The following RIMS1 variants were observed in gnomAD, a reference collection of about 807,000 sequenced individuals.
RIMS1 encodes regulating synaptic membrane exocytosis protein 1.
A neutral mutation model predicts 214.1 loss-of-function variants in RIMS1; 83 were observed. That is an observed-to-expected ratio of 0.39 (90% CI 0.32 to 0.47). The LOEUF (loss-of-function observed/expected upper bound fraction) is 0.47, where lower values mean the gene tolerates loss of function less well. Ranked by LOEUF, RIMS1 falls within the 20% of genes least tolerant of loss-of-function variation. The pLI is 0.99. For synonymous variants in RIMS1, 793 were observed against 786.8 expected, an observed-to-expected ratio of 1.01 and a Z score of -0.13; for missense variants, 2,050 against 2,161.8, an observed-to-expected ratio of 0.95 and a Z score of 1.03.
intron 4 of RIMS1, among the ~76,000 whole-genome samples, chr6:72,141,887 A>G (rs563541953): frequency 6.6e-6 from 1 of 152,116 alleles, no homozygotes; most frequent in South Asian, 2.1e-4. Flanking sequence ...TTCCTTTCCT[A>G]GAAAGTAACA....
At chr6:72,022,890 A>G (rs1029866610) in intron 2 of RIMS1, among the ~76,000 whole-genome samples, 1 of 152,202 alleles carries the variant, frequency 6.6e-6, no homozygotes, top group Non-Finnish European at 1.5e-5. Flanking sequence ...GGCTTTATTC[A>G]TAATGTATTC....
chr6:72,221,952 C>G (rs1278132827), intron 6 of RIMS1, among the ~76,000 whole-genome samples: 1 of 151,902 alleles, frequency 6.6e-6, no homozygotes, highest in Admixed American at 6.6e-5. Flanking sequence ...ATTATTAGGT[C>G]AGTCTTCAAT....
chr6:72,063,644 T>C (rs545907945), intron 2 of RIMS1, among the ~76,000 whole-genome samples: 7 of 152,310 alleles, frequency 4.6e-5, no homozygotes, highest in African/African-American at 1.7e-4. Context: ...CCTCCAACTA[T>C]AGTGGTGTCT....
At chr6:72,306,077 GA>G (rs1209130928) in intron 26 of RIMS1, among the ~76,000 whole-genome samples, 7 of 151,474 alleles carry the variant, frequency 4.6e-5, no homozygotes, top group Non-Finnish European at 2.9e-5. Flanking sequence ...CATTGCAATG[GA>G]AAAAAAATTG....
chr6:72,106,999 C>T (rs1158551416), intron 4 of RIMS1, among the ~76,000 whole-genome samples: 1 of 152,106 alleles, frequency 6.6e-6, no homozygotes. Context: ...TGTTGAAGTA[C>T]TTTTTGTCAA....
At chr6:72,396,078 T>A (rs547831253) in intron 31 of RIMS1, among the ~76,000 whole-genome samples, 2 of 151,872 alleles carry the variant, frequency 1.3e-5, no homozygotes, top group East Asian at 3.9e-4. Context: ...CAAATGGGAT[T>A]TTTTTTTCAT....
chr6:72,159,977 G>T lies in RIMS1; in HGVS notation c.472-19598G>T, dbSNP rs186369612. 2.9e-3 allele frequency among the ~76,000 whole-genome samples: 405 copies of T among 138,792 alleles called. 26 individuals are homozygous for T. The highest frequency in any genetic ancestry group is 9.6e-3 in the African/African-American group (388 of 40,428). 91.1% of individuals were successfully genotyped at this position (138,792 alleles called of 152,430 possible). A position where few individuals can be genotyped will look rare whatever the true frequency, so the allele number is the denominator to read the frequency against. On this transcript the variant is annotated intron_variant, in intron 4 of 33. Transcript: ENST00000521978. ...TGGCATTGAATCTATAAATTACCTTGGGCAGCAAGGCCATTTTCACGATAT... is the reference window on the plus strand; with the variant it reads ...TGGCATTGAATCTATAAATTACCTTTGGCAGCAAGGCCATTTTCACGATAT...
At chr6:72,215,078 C>G (rs545827930) in intron 6 of RIMS1, among the ~76,000 whole-genome samples, 2 of 152,150 alleles carry the variant, frequency 1.3e-5, no homozygotes, top group Non-Finnish European at 2.9e-5. Context: ...CGATTTCAAC[C>G]AGACAAAATG....
intron 18 of RIMS1, among the ~76,000 whole-genome samples, chr6:72,259,556 A>G (rs933042758): frequency 1.3e-5 from 2 of 152,194 alleles, no homozygotes; most frequent in African/African-American, 2.4e-5. Flanking sequence ...GAGAACTTCA[A>G]TAATAATGTT....
chr6:71,967,839 A>C (rs1052598164), intron 1 of RIMS1, among the ~76,000 whole-genome samples: 1 of 152,148 alleles, frequency 6.6e-6, no homozygotes, highest in African/African-American at 2.4e-5. Context: ...GTGTGTGTGC[A>C]CGTTTCTGTG....
chr6:71,887,041 G>T lies in RIMS1; in HGVS notation c.18G>T (p.Gly6=). 1 of 1,613,304 alleles carries T rather than the reference G, an allele frequency of 6.2e-7. No homozygotes were observed. Among genetic ancestry groups the T allele is most frequent in the Non-Finnish European group, 8.5e-7 (1 of 1,179,666 alleles). MSSAV[G]PRGPRPPTVP... is the part of the protein sequence containing the mutation. ...CCACGAAAATGTCCTCGGCCGTGGGGCCCCGCGGTCCTCGCCCACCCACGG... is the reference window on the plus strand; with the variant it reads ...CCACGAAAATGTCCTCGGCCGTGGGTCCCCGCGGTCCTCGCCCACCCACGG... Residue 6 remains glycine, a synonymous_variant, in exon 1 of 34, where the codon GGG becomes GGT. Transcript: ENST00000521978.
intron 29 of RIMS1, among the ~76,000 whole-genome samples, chr6:72,373,680 T>A (rs899615036): frequency 1.3e-5 from 2 of 152,234 alleles, no homozygotes; most frequent in African/African-American, 4.8e-5. Context: ...CTTAGACATC[T>A]GCTTAGGCAC....
intron 4 of RIMS1, among the ~76,000 whole-genome samples, chr6:72,152,836 A>G (rs185203555): frequency 0.066 from 2,559 of 38,580 alleles, 428 homozygotes; most frequent in Non-Finnish European, 0.08. Context: ...ATGTATATAT[A>G]TGTATATATG....
intron 23 of RIMS1, 110 bp downstream of exon 23, chr6:72,274,542 C>A: frequency 1.2e-6 from 1 of 804,162 alleles, no homozygotes; most frequent in Non-Finnish European, 2.1e-6. Context: ...TTCCAGGAGC[C>A]AGAGCCAGAT....
chr6:71,920,419 A>G (rs1779639085), intron 1 of RIMS1, among the ~76,000 whole-genome samples: 1 of 152,184 alleles, frequency 6.6e-6, no homozygotes, highest in Admixed American at 6.6e-5. Context: ...TCTCTTTACT[A>G]TCTTTATAAC....
intron 2 of RIMS1, among the ~76,000 whole-genome samples, chr6:72,083,259 A>G (rs1833852946): frequency 6.6e-6 from 1 of 152,230 alleles, no homozygotes; most frequent in Non-Finnish European, 1.5e-5. Flanking sequence ...GCCAATTTAC[A>G]TTTATCAGTG....
chr6:72,374,648 C>A (rs1176779475), intron 29 of RIMS1, among the ~76,000 whole-genome samples: 2 of 152,130 alleles, frequency 1.3e-5, no homozygotes, highest in African/African-American at 4.8e-5. Flanking sequence ...AGTCAGCAAC[C>A]TTTTTGGCAC....
intron 19 of RIMS1, chr6:72,262,232 TATATA>T: frequency 1.3e-6 from 1 of 789,662 alleles, no homozygotes; most frequent in Non-Finnish European, 1.5e-6. Context: ...TATATAATAT[TATATA>T]ATAGTTGCAT....
intron 2 of RIMS1, among the ~76,000 whole-genome samples, chr6:71,990,042 C>T (rs1043294556): frequency 2.0e-5 from 3 of 152,222 alleles, no homozygotes; most frequent in Non-Finnish European, 2.9e-5. Context: ...TCTCTGATTT[C>T]TGTATTAAAG....
Sources: allele counts gnomAD v4.1 joint callset (sites outside exome capture counted in the v4.1 genomes callset), GRCh38; gene constraint gnomAD v4.1.1; transcripts MANE v1.5; gene names NCBI Gene and HGNC (gene_info 2026-07-23, HGNC 2026-07-21).